The following SPOCK1 variants were observed in gnomAD, a reference collection of about 807,000 sequenced individuals.
The protein encoded by SPOCK1 is testican-1.
Under a neutral mutation model 55.3 loss-of-function variants are expected in SPOCK1, and 23 were observed. The ratio of observed to expected loss-of-function variants is 0.42; its 90% CI spans 0.30 to 0.59. The LOEUF (loss-of-function observed/expected upper bound fraction) is 0.59. SPOCK1 is among the 20% of genes least tolerant of loss of function. The probability of loss-of-function intolerance (pLI) is 0.22; values close to 1 mark genes in which losing one functional copy is unlikely to be tolerated. For synonymous variants in SPOCK1, 226 were observed against 221.0 expected, an observed-to-expected ratio of 1.02 and a Z score of -0.20; for missense variants, 499 against 552.5, an observed-to-expected ratio of 0.90 and a Z score of 0.97.
chr5:137,342,008 C>T (rs1000810751), intron 2 of SPOCK1, among the ~76,000 whole-genome samples: 1 of 152,330 alleles, frequency 6.6e-6, no homozygotes, highest in African/African-American at 2.4e-5. Flanking sequence ...TGCCAGAGAG[C>T]GCCAGGGCTG....
At chr5:137,246,988 T>C (rs983750332) in intron 3 of SPOCK1, among the ~76,000 whole-genome samples, 1 of 152,144 alleles carries the variant, frequency 6.6e-6, no homozygotes, top group Non-Finnish European at 1.5e-5. Context: ...TTACAGCACA[T>C]ACCCTCACAT....
At chr5:137,313,289 T>C (rs1350893462) in intron 2 of SPOCK1, 2 of 396,378 alleles carry the variant, frequency 5.0e-6, no homozygotes, top group African/African-American at 4.4e-5. Context: ...TCTATTAGCC[T>C]TATTGATAGG....
chr5:137,333,154 T>C (rs892826192), intron 2 of SPOCK1, among the ~76,000 whole-genome samples: 1 of 152,106 alleles, frequency 6.6e-6, no homozygotes, highest in Admixed American at 6.5e-5. Context: ...AGAAAAGTCA[T>C]CACTGAGCCC....
intron 3 of SPOCK1, among the ~76,000 whole-genome samples, chr5:137,149,609 C>T (rs994427741): frequency 6.6e-6 from 1 of 152,202 alleles, no homozygotes; most frequent in Non-Finnish European, 1.5e-5. Flanking sequence ...CTGTGCTTCA[C>T]TTTAATGCAA....
intron 2 of SPOCK1, among the ~76,000 whole-genome samples, chr5:137,444,594 C>A (rs1753082639): frequency 6.6e-6 from 1 of 152,168 alleles, no homozygotes; most frequent in Non-Finnish European, 1.5e-5. Flanking sequence ...CAGCAACAAG[C>A]TCCTGAGATA....
intron 6 of SPOCK1, among the ~76,000 whole-genome samples, chr5:137,053,301 C>T (rs1580727070): frequency 6.6e-6 from 1 of 151,984 alleles, no homozygotes; most frequent in Non-Finnish European, 1.5e-5. Context: ...AGGAAAGCCA[C>T]CCAGAGAGTG....
chr5:137,060,286 A>AAT (rs1423254205), intron 6 of SPOCK1, among the ~76,000 whole-genome samples: 14 of 152,354 alleles, frequency 9.2e-5, no homozygotes, highest in African/African-American at 3.4e-4. Flanking sequence ...GAGTGAGATC[A>AAT]TATCCTTTGC....
chr5:137,082,402 G>A (rs918971516), intron 5 of SPOCK1, among the ~76,000 whole-genome samples: 1 of 152,202 alleles, frequency 6.6e-6, no homozygotes, highest in Non-Finnish European at 1.5e-5. Flanking sequence ...GATGCCACAA[G>A]CCTAACCAGG....
intron 3 of SPOCK1, among the ~76,000 whole-genome samples, chr5:137,186,502 C>T (rs1755071315): frequency 6.6e-6 from 1 of 152,230 alleles, no homozygotes; most frequent in Admixed American, 6.5e-5. Flanking sequence ...CTGGACCAAA[C>T]TGGACAAGAT....
chr5:137,495,689 C>T (rs1303307657), intron 2 of SPOCK1, among the ~76,000 whole-genome samples: 1 of 152,240 alleles, frequency 6.6e-6, no homozygotes, highest in Non-Finnish European at 1.5e-5. Context: ...GCAAGATTAG[C>T]TGAGGCTTTA....
chr5:137,020,557 G>T (rs2126979776), intron 6 of SPOCK1, among the ~76,000 whole-genome samples: 1 of 151,982 alleles, frequency 6.6e-6, no homozygotes. Flanking sequence ...GGACCCAAAA[G>T]ACTGCAAAAT....
At chr5:137,419,944 T>C (rs1752448802) in intron 2 of SPOCK1, among the ~76,000 whole-genome samples, 1 of 152,204 alleles carries the variant, frequency 6.6e-6, no homozygotes, top group Non-Finnish European at 1.5e-5. Flanking sequence ...GGGTTTGTCA[T>C]AGATAGCTCT....
At chr5:137,191,679 T>C (rs150584933) in intron 3 of SPOCK1, among the ~76,000 whole-genome samples, 2 of 152,294 alleles carry the variant, frequency 1.3e-5, no homozygotes, top group Admixed American at 6.5e-5. Flanking sequence ...AGCTATTTTT[T>C]CATAATAGAA....
intron 2 of SPOCK1, among the ~76,000 whole-genome samples, chr5:137,395,714 G>A (rs1470871318): frequency 1.3e-5 from 2 of 152,232 alleles, no homozygotes; most frequent in Non-Finnish European, 2.9e-5. Context: ...CTGCAATGCA[G>A]CTTGGAAGAG....
At chr5:137,226,647 T>C (rs1755952200) in intron 3 of SPOCK1, among the ~76,000 whole-genome samples, 1 of 152,178 alleles carries the variant, frequency 6.6e-6, no homozygotes, top group African/African-American at 2.4e-5. Flanking sequence ...GGTCTCACTC[T>C]CTACACCCTA....
At chr5:137,377,542 C>T (rs1306587893) in intron 2 of SPOCK1, among the ~76,000 whole-genome samples, 2 of 152,152 alleles carry the variant, frequency 1.3e-5, no homozygotes, top group African/African-American at 4.8e-5. Context: ...TGTGTGATGT[C>T]TTACTCCCCA....
At chr5:137,427,051 T>C (rs1315143500) in intron 2 of SPOCK1, among the ~76,000 whole-genome samples, 1 of 152,184 alleles carries the variant, frequency 6.6e-6, no homozygotes, top group Non-Finnish European at 1.5e-5. Flanking sequence ...ATGAAGTGAC[T>C]AGAAATAATG....
In SPOCK1 at chr5:137,154,967, A is replaced by T. The variant is rs564187445; in HGVS notation, c.233-14273T>A. On this transcript the variant is annotated intron_variant, in intron 3 of 10. Coordinates refer to ENST00000394945, the MANE Select transcript of SPOCK1 (RefSeq NM_004598.4). ...ACTGACACAGCCAGTTCCAAATCTGAGCTCAGCTCCTTGCACACTGTGTGA... is the reference window on the plus strand; with the variant it reads ...ACTGACACAGCCAGTTCCAAATCTGTGCTCAGCTCCTTGCACACTGTGTGA... Among the ~76,000 whole-genome samples the T allele has an allele frequency of 2.0e-5, 3 of 152,284 alleles. No homozygotes were observed. In the South Asian group the frequency reaches 6.2e-4, roughly 32 times the overall value.
chr5:137,097,609 C>T (rs765674808), intron 5 of SPOCK1, among the ~76,000 whole-genome samples: 1 of 152,154 alleles, frequency 6.6e-6, no homozygotes, highest in Non-Finnish European at 1.5e-5. Flanking sequence ...ACTGAGTGTG[C>T]AAAAACATTC....
Sources: gnomAD v4.1 joint callset for allele counts (sites outside exome capture counted in the v4.1 genomes callset) on GRCh38, gnomAD v4.1.1 for gene constraint, MANE v1.5 for transcripts, NCBI Gene and HGNC (gene_info 2026-07-23, HGNC 2026-07-21) for gene names.